Variants in PTBP3 observed in about 807,000 individuals in gnomAD.
The protein encoded by PTBP3 is polypyrimidine tract binding protein 3.
In PTBP3, 20 loss-of-function variants were observed where a neutral mutation model predicts 58.7. The ratio of observed to expected loss-of-function variants is 0.34; its 90% CI spans 0.24 to 0.50. The LOEUF (loss-of-function observed/expected upper bound fraction) is 0.50, where lower values mean the gene tolerates loss of function less well. Among genes scored for constraint, PTBP3 ranks in the 20% least tolerant of loss-of-function variants. The pLI is 0.98. For missense variants in PTBP3, 509 were observed against 637.2 expected (o/e 0.80, Z 2.17); for synonymous variants, 185 against 219.8 (o/e 0.84, Z 1.40).
intron 5 of PTBP3, among the ~76,000 whole-genome samples, chr9:112,260,316 T>C (rs1466241566): frequency 6.6e-6 from 1 of 152,226 alleles, no homozygotes; most frequent in Non-Finnish European, 1.5e-5. Flanking sequence ...AACATCATCT[T>C]CATTATAAAG....
At position 112,220,052 on chromosome 9, in the gene PTBP3, C is replaced by T; in HGVS notation, c.*3799G>A. 4 of 1,152,042 alleles carry T rather than the reference C, an allele frequency of 3.5e-6. No individual in the cohort carries two copies. The highest frequency in any genetic ancestry group is 4.4e-6 in the Non-Finnish European group (4 of 909,948). 71.4% of individuals were successfully genotyped at this position (1,152,042 alleles called of 1,614,324 possible). Reference sequence around the variant, plus strand: ...TTTTGTTCTCATTAACAGATCAAGACAAAGGAAAGGCTAAGAAAAATGCTT... The same window carrying T: ...TTTTGTTCTCATTAACAGATCAAGATAAAGGAAAGGCTAAGAAAAATGCTT... On this transcript the variant is annotated 3_prime_UTR_variant, in exon 14 of 14. Coordinates refer to ENST00000374257, the MANE Select transcript of PTBP3 (RefSeq NM_001163788.4).
chr9:112,221,693 A>C lies in PTBP3; in HGVS notation c.*2158T>G. 1 of 985,256 alleles carries C rather than the reference A, an allele frequency of 1.0e-6. No homozygotes were observed. Among genetic ancestry groups the C allele is most frequent in the Non-Finnish European group, 1.2e-6 (1 of 829,764 alleles). 61.0% of individuals were successfully genotyped at this position (985,256 alleles called of 1,614,324 possible). On this transcript the variant is annotated 3_prime_UTR_variant, in exon 14 of 14. Coordinates refer to ENST00000374257, the MANE Select transcript of PTBP3 (RefSeq NM_001163788.4). ...ACTACATACATGAGTATATCTATCTATTCAGCCAAACTGATCCATTTGAAA... is the reference window on the plus strand; with the variant it reads ...ACTACATACATGAGTATATCTATCTCTTCAGCCAAACTGATCCATTTGAAA...
chr9:112,238,648 C>A (rs1293923693), intron 7 of PTBP3, among the ~76,000 whole-genome samples: 1 of 151,882 alleles, frequency 6.6e-6, no homozygotes, highest in African/African-American at 2.4e-5. Flanking sequence ...AAAAAGGACA[C>A]CAAAAAGGAA....
intron 2 of PTBP3, among the ~76,000 whole-genome samples, chr9:112,284,766 A>G (rs1366770410): frequency 6.6e-6 from 1 of 152,160 alleles, no homozygotes; most frequent in East Asian, 1.9e-4. Flanking sequence ...GCCCCACTGG[A>G]TTTTGAACCT....
At chr9:112,334,633 G>T (rs1830530258), upstream of PTBP3, among the ~76,000 whole-genome samples, 1 of 152,182 alleles carries the variant, frequency 6.6e-6, no homozygotes. Flanking sequence ...CCTCCCCGTG[G>T]CTTCGTCATT....
At chr9:112,349,448 C>A in the PTBP3 span, among the ~76,000 whole-genome samples, 2 of 152,096 alleles carry the variant, frequency 1.3e-5, no homozygotes, top group Non-Finnish European at 2.9e-5. Context: ...ACAGGAACCC[C>A]CCAATTATTA....
intron 1 of PTBP3, among the ~76,000 whole-genome samples, chr9:112,302,816 C>G (rs1392090755): frequency 6.6e-6 from 1 of 152,126 alleles, no homozygotes; most frequent in African/African-American, 2.4e-5. Flanking sequence ...TCTCGAACTC[C>G]TGACCTCAAG....
In PTBP3 at chr9:112,230,821, G is replaced by A. The variant is rs553584991; in HGVS notation, c.1054+559C>T. ...TTGTTCTCATATTTCTATGCTGTTC[G>A]AAAGTTTGGAGACTATTTTTAAAAC... On this transcript the variant is annotated intron_variant, in intron 10 of 13. Coordinates refer to ENST00000374257, the MANE Select transcript of PTBP3 (RefSeq NM_001163788.4). Among the ~76,000 whole-genome samples the A allele has an allele frequency of 9.9e-5, 15 of 152,206 alleles. No individual in the cohort carries two copies. In the East Asian group the frequency reaches 1.3e-3, roughly 14 times the overall value.
chr9:112,354,388 A>G, the PTBP3 span, among the ~76,000 whole-genome samples: 30 of 152,246 alleles, frequency 2.0e-4, no homozygotes, highest in Non-Finnish European at 4.0e-4. Context: ...GAACAGGCAA[A>G]CAAGCAAAAA....
chr9:112,220,731 A>C lies in PTBP3; in HGVS notation c.*3120T>G. 2.0e-6 allele frequency: 2 copies of C among 983,662 alleles called. No individual in the cohort carries two copies. Among genetic ancestry groups the C allele is most frequent in the Non-Finnish European group, 2.4e-6 (2 of 828,194 alleles). The allele number at this position is 983,662 out of a possible 1,614,324, so 60.9% of individuals were successfully genotyped here. A position where few individuals can be genotyped will look rare whatever the true frequency, so the allele number is the denominator to read the frequency against. On this transcript the variant is annotated 3_prime_UTR_variant, in exon 14 of 14. Transcript: ENST00000374257. ...ACAAAACACATTTTACTGCTATGCA[A>C]ATTATTCAAATCTCAAAGTAAATCA...
At chr9:112,372,899 CTTT>C in the PTBP3 span, among the ~76,000 whole-genome samples, 6 of 136,914 alleles carry the variant, frequency 4.4e-5, no homozygotes, top group Admixed American at 1.5e-4. Flanking sequence ...CATAGGCTTT[CTTT>C]TTTTTTTTTT....
chr9:112,300,998 A>G (rs1828900354), intron 1 of PTBP3, among the ~76,000 whole-genome samples: 2 of 152,258 alleles, frequency 1.3e-5, no homozygotes, highest in African/African-American at 4.8e-5. Context: ...CAATAAATAA[A>G]TAAATAAATA....
chr9:112,305,173 C>T (rs1306694975), intron 1 of PTBP3, among the ~76,000 whole-genome samples: 1 of 152,188 alleles, frequency 6.6e-6, no homozygotes, highest in East Asian at 1.9e-4. Context: ...TAGTAAAAAA[C>T]TTACCTTGTC....
At chr9:112,374,869 A>T in the PTBP3 span, among the ~76,000 whole-genome samples, 1 of 152,314 alleles carries the variant, frequency 6.6e-6, no homozygotes, top group African/African-American at 2.4e-5. Flanking sequence ...AAGAGGTTCA[A>T]TATAATCAAC....
At position 112,333,457 on chromosome 9, in the gene PTBP3, G is replaced by A. The variant is rs1364301036; in HGVS notation, c.-52+13C>T. The A allele has an allele frequency of 1.9e-6, 3 of 1,582,154 alleles. No homozygotes were observed. Among genetic ancestry groups the A allele is most frequent in the South Asian group, 1.1e-5 (1 of 87,854 alleles). ...GGCAACCCGGTGCGGCCGCCGCGCCGCCTAGTACTTACCCATCCATGGCCC... is the reference window on the plus strand; with the variant it reads ...GGCAACCCGGTGCGGCCGCCGCGCCACCTAGTACTTACCCATCCATGGCCC... On this transcript the variant is annotated intron_variant, in intron 1 of 13. Transcript: ENST00000374257.
intron 1 of PTBP3, chr9:112,332,704 A>G: frequency 6.5e-7 from 1 of 1,536,482 alleles, no homozygotes; most frequent in Non-Finnish European, 8.9e-7. Flanking sequence ...AAATCTTTTT[A>G]TTTTGGTCAC....
intron 2 of PTBP3, among the ~76,000 whole-genome samples, chr9:112,289,988 CATT>C (rs1236648605): frequency 6.6e-6 from 1 of 152,048 alleles, no homozygotes; most frequent in Admixed American, 6.5e-5. Context: ...GAAATGTTAA[CATT>C]AATCAATTTG....
Position 112,231,983 on chromosome 9 carries a change from A to G in PTBP3, c.1020+116T>C, listed in dbSNP as rs1437591098. 13 of 460,380 alleles carry G rather than the reference A, an allele frequency of 2.8e-5. No individual in the cohort carries two copies. The African/African-American group carries it at 6.6e-4, about 23-fold the overall frequency. 28.5% of individuals were successfully genotyped at this position (460,380 alleles called of 1,614,324 possible). ...AGAAGAGAAGAGAGAAGAGAAGAGAAGAGAAGAGAAGAGAAGAGAAGAGAA... is the reference window on the plus strand; with the variant it reads ...AGAAGAGAAGAGAGAAGAGAAGAGAGGAGAAGAGAAGAGAAGAGAAGAGAA... On this transcript the variant is annotated intron_variant, in intron 9 of 13. Coordinates refer to ENST00000374257, the MANE Select transcript of PTBP3 (RefSeq NM_001163788.4).
intron 1 of PTBP3, among the ~76,000 whole-genome samples, chr9:112,305,771 T>C (rs1829166358): frequency 6.6e-6 from 1 of 152,008 alleles, no homozygotes; most frequent in South Asian, 2.1e-4. Context: ...TAACCCCGTC[T>C]CTACCAAAAA....
Sources: gnomAD v4.1 joint callset for allele counts (sites outside exome capture counted in the v4.1 genomes callset) on GRCh38, gnomAD v4.1.1 for gene constraint, MANE v1.5 for transcripts, NCBI Gene and HGNC (gene_info 2026-07-23, HGNC 2026-07-21) for gene names.